The following PRMT7 variants were observed in gnomAD, a reference collection of about 807,000 sequenced individuals.
The protein encoded by PRMT7 is protein arginine N-methyltransferase 7.
Under a neutral mutation model 85.4 loss-of-function variants are expected in PRMT7, and 75 were observed. The ratio of observed to expected loss-of-function variants is 0.88; its 90% CI spans 0.73 to 1.06. The LOEUF (loss-of-function observed/expected upper bound fraction) is 1.06, where lower values mean the gene tolerates loss of function less well. Ranked by LOEUF, PRMT7 falls within the 50% of genes least tolerant of loss-of-function variation. The pLI, the probability that PRMT7 is intolerant of heterozygous loss-of-function variation, is 0.00. For missense variants in PRMT7, 868 were observed against 915.2 expected (o/e 0.95, Z 0.67); for synonymous variants, 397 against 359.5 (o/e 1.10, Z -1.18).
chr16:68,321,687 G>A, intron 4 of PRMT7: 1 of 465,214 alleles, frequency 2.1e-6, no homozygotes, highest in Non-Finnish European at 3.9e-6. Flanking sequence ...AATGGTCTAT[G>A]TTTATGGTAA....
At chr16:68,348,249 C>A (rs2086699919) in intron 13 of PRMT7, 93 bp from the exon 14 acceptor site, 5 of 1,087,222 alleles carry the variant, frequency 4.6e-6, no homozygotes, top group Admixed American at 2.1e-5. Flanking sequence ...CCGGAAAATT[C>A]AAAGCGGAGA....
In PRMT7 at chr16:68,321,460, A is replaced by C; in HGVS notation, c.130A>C (p.Arg44=). 6.2e-7 allele frequency: 1 copy of C among 1,608,392 alleles called. No homozygotes were observed. The highest frequency in any genetic ancestry group is 8.5e-7 in the Non-Finnish European group (1 of 1,176,290). ...SYADMLHDKD[R]NVKYYQGIRA... ...TGCAGATATGCTACATGACAAAGAC[A>C]GAGTAAGTGTAAAAGGAAACTATTA... Residue 44 remains arginine, a splice_region_variant and synonymous_variant, in exon 4 of 19, where the codon AGA becomes CGA. Transcript: ENST00000441236.
rs117228079 is a variant in PRMT7 at position 68,327,091 on chromosome 16, C to T, written c.283-1975C>T. 3.4e-3 allele frequency among the ~76,000 whole-genome samples: 514 copies of T among 152,272 alleles called. 8 individuals are homozygous for T. The highest frequency in any genetic ancestry group is 0.023 in the East Asian group (121 of 5,188). On this transcript the variant is annotated intron_variant, in intron 5 of 18. Coordinates refer to ENST00000441236, the MANE Select transcript of PRMT7 (RefSeq NM_019023.5). The stretch of plus-strand genomic sequence containing the variant: ...GTGTGTGTATTCCATGTAAATACTG[C>T]GCGCTAATCAATTGCACAACTGGAG...
At chr16:68,353,158 G>A (rs887923921) in intron 15 of PRMT7, among the ~76,000 whole-genome samples, 8 of 152,254 alleles carry the variant, frequency 5.3e-5, no homozygotes, top group Admixed American at 2.0e-4. Context: ...ATGAACTGGA[G>A]ATGATGCTGG....
intron 6 of PRMT7, among the ~76,000 whole-genome samples, chr16:68,332,966 T>C (rs775791381): frequency 6.6e-6 from 1 of 152,168 alleles, no homozygotes; most frequent in Non-Finnish European, 1.5e-5. Context: ...ATCCCACTTA[T>C]TCCACTATGG....
chr16:68,334,630 C>T (rs74024623), intron 6 of PRMT7, among the ~76,000 whole-genome samples: 1,676 of 152,198 alleles, frequency 0.011, 32 homozygotes, highest in African/African-American at 0.038. Context: ...TGTGTTCATC[C>T]GTCCATTTTG....
intron 9 of PRMT7, among the ~76,000 whole-genome samples, chr16:68,344,644 T>C (rs2086046159): frequency 6.6e-6 from 1 of 152,154 alleles, no homozygotes; most frequent in Non-Finnish European, 1.5e-5. Flanking sequence ...GAAACCTGTA[T>C]GTGGGGTTTG....
chr16:68,328,965 A>C lies in PRMT7; in HGVS notation c.283-101A>C. ...GGAGAATAAAGTATTTAAGTTACAT[A>C]TCTTAGGACCAGAATCAAGGAATAG... On this transcript the variant is annotated intron_variant, in intron 5 of 18. Coordinates refer to ENST00000441236, the MANE Select transcript of PRMT7 (RefSeq NM_019023.5). 4.0e-6 allele frequency: 3 copies of C among 755,816 alleles called. No homozygotes were observed. In the South Asian group the frequency reaches 4.8e-5, roughly 12 times the overall value. 46.8% of individuals were successfully genotyped at this position (755,816 alleles called of 1,614,324 possible).
At chr16:68,319,120 G>A (rs937766681) in intron 3 of PRMT7, 1 of 152,226 alleles carries the variant, frequency 6.6e-6, no homozygotes, top group Non-Finnish European at 1.5e-5. Flanking sequence ...GGAACACGAT[G>A]GAGATTAGGC....
intron 6 of PRMT7, among the ~76,000 whole-genome samples, chr16:68,336,232 C>T (rs2084669697): frequency 6.6e-6 from 1 of 152,202 alleles, no homozygotes; most frequent in African/African-American, 2.4e-5. Flanking sequence ...CTTCCAAAGT[C>T]TATTTTGGCT....
At chr16:68,348,570 A>C (rs1597442782) in intron 14 of PRMT7, 139 bp downstream of exon 14, 15 of 389,222 alleles carry the variant, frequency 3.9e-5, no homozygotes, top group East Asian at 6.0e-5. Flanking sequence ...ACGAGCTCCC[A>C]CCATCAAGGG....
chr16:68,350,019 G>A (rs531674721), intron 14 of PRMT7, among the ~76,000 whole-genome samples: 76 of 152,360 alleles, frequency 5.0e-4, no homozygotes, highest in Non-Finnish European at 8.2e-4. Context: ...TCTCCAGTAT[G>A]TGCCTCTTCT....
At chr16:68,311,643 G>A (rs954559958) in intron 1 of PRMT7, 2 of 150,922 alleles carry the variant, frequency 1.3e-5, no homozygotes, top group Non-Finnish European at 2.9e-5. Context: ...GATGAGGAGC[G>A]GGGGGCTTCT....
intron 14 of PRMT7, among the ~76,000 whole-genome samples, chr16:68,349,892 C>A (rs2087021757): frequency 6.6e-6 from 1 of 151,986 alleles, no homozygotes; most frequent in African/African-American, 2.4e-5. Flanking sequence ...GATACCTTGT[C>A]TCTAAAAAAA....
rs370795284 is a variant in PRMT7 at position 68,355,835 on chromosome 16, C to T, written c.1763C>T (p.Pro588Leu). 1.5e-5 allele frequency: 24 copies of T among 1,609,740 alleles called. No individual in the cohort carries two copies. The highest frequency in any genetic ancestry group is 3.3e-4 in the Middle Eastern group (2 of 6,048). ...ATCCTGACCTTTGACTTCCAGCAGC[C>T]GGTGCCCCTGCAGCCCCTGTGTGCC... ...WQILTFDFQQ[P>L]VPLQPLCAEG... Residue 588 changes from proline (P) to leucine (L), a missense_variant, in exon 17 of 19, where the codon CCG (proline) becomes CTG (leucine). Pro to Leu is a moderately conservative substitution (Grantham distance 98, BLOSUM62 -3). Transcript: ENST00000441236.
intron 6 of PRMT7, among the ~76,000 whole-genome samples, chr16:68,330,480 G>T (rs1328802354): frequency 6.6e-6 from 1 of 152,116 alleles, no homozygotes; most frequent in Non-Finnish European, 1.5e-5. Context: ...CGGTTTTGGA[G>T]AATGCAGTAT....
At chr16:68,336,527 C>A (rs550509158) in intron 6 of PRMT7, among the ~76,000 whole-genome samples, 6 of 152,340 alleles carry the variant, frequency 3.9e-5, no homozygotes, top group Admixed American at 1.3e-4. Context: ...TTGGCTTTCC[C>A]TCCCTCTCCC....
In PRMT7 at chr16:68,353,428, C is replaced by T. The variant is rs760691755; in HGVS notation, c.1576-64C>T. 5.6e-6 allele frequency: 9 copies of T among 1,604,304 alleles called. No homozygotes were observed. The African/African-American group carries it at 1.1e-4, about 19-fold the overall frequency. On this transcript the variant is annotated intron_variant, in intron 15 of 18. Coordinates refer to ENST00000441236, the MANE Select transcript of PRMT7 (RefSeq NM_019023.5). ...GGAACAGCAAGATGTGCCTCTTGTT[C>T]TTGCTGCCACGCTTCCCTGTGTCCT...
chr16:68,320,995 G>A (rs907304846), intron 3 of PRMT7, among the ~76,000 whole-genome samples: 30 of 152,078 alleles, frequency 2.0e-4, no homozygotes, highest in African/African-American at 5.8e-4. Flanking sequence ...TAGGCCAGGC[G>A]CAGTAGCTCA....
Sources: allele counts gnomAD v4.1 joint callset (sites outside exome capture counted in the v4.1 genomes callset), GRCh38; gene constraint gnomAD v4.1.1; transcripts MANE v1.5; gene names NCBI Gene and HGNC (gene_info 2026-07-23, HGNC 2026-07-21).